Variants in SLC22A4 observed in about 807,000 individuals in gnomAD.
SLC22A4 encodes solute carrier family 22 member 4.
SLC22A4 carries 39 observed loss-of-function variants against 56.6 expected under a neutral mutation model. The observed-to-expected ratio is 0.69, with a 90% CI of 0.53 to 0.90. The LOEUF is 0.90. Ranked by LOEUF, SLC22A4 falls within the 40% of genes least tolerant of loss-of-function variation. SLC22A4 has a pLI of 0.00. For missense variants in SLC22A4, 594 were observed against 696.5 expected (o/e 0.85, Z 1.66); for synonymous variants, 241 against 281.4 (o/e 0.86, Z 1.44).
intron 4 of SLC22A4, among the ~76,000 whole-genome samples, chr5:132,323,107 G>A (rs1288220003): frequency 6.6e-6 from 1 of 152,146 alleles, no homozygotes; most frequent in Non-Finnish European, 1.5e-5. Context: ...CCATTGGTGG[G>A]TCTGGTTCTG....
intron 2 of SLC22A4, among the ~76,000 whole-genome samples, chr5:132,312,544 A>G (rs1750212373): frequency 6.6e-6 from 1 of 151,970 alleles, no homozygotes; most frequent in South Asian, 2.1e-4. Flanking sequence ...GGGTCCTCAT[A>G]CCACAGACTC....
intron 9 of SLC22A4, among the ~76,000 whole-genome samples, chr5:132,342,691 C>G (rs1751257649): frequency 6.6e-6 from 1 of 152,208 alleles, no homozygotes; most frequent in African/African-American, 2.4e-5. Flanking sequence ...TAGAATGACT[C>G]ACAGCACTCA....
chr5:132,322,511 G>C (rs1347660960), intron 4 of SLC22A4, among the ~76,000 whole-genome samples, 156 bp downstream of exon 4: 1 of 152,208 alleles, frequency 6.6e-6, no homozygotes, highest in Non-Finnish European at 1.5e-5. Context: ...CCTCATTGTG[G>C]GTGGGCCTGT....
chr5:132,332,604 C>T (rs1002672478), intron 6 of SLC22A4, among the ~76,000 whole-genome samples: 9 of 152,110 alleles, frequency 5.9e-5, no homozygotes, highest in Non-Finnish European at 8.8e-5. Flanking sequence ...GCTTTTTACA[C>T]GTGCCAATAG....
intron 8 of SLC22A4, 95 bp from the exon 9 acceptor site, chr5:132,340,470 C>G (rs563607666): frequency 8.6e-7 from 1 of 1,166,690 alleles, no homozygotes; most frequent in Non-Finnish European, 1.3e-6. Flanking sequence ...TAAATCCATT[C>G]TCTTATACTG....
intron 8 of SLC22A4, among the ~76,000 whole-genome samples, chr5:132,338,217 G>A (rs943450720): frequency 6.6e-6 from 1 of 152,092 alleles, no homozygotes; most frequent in Non-Finnish European, 1.5e-5. Flanking sequence ...ATATTGGCAG[G>A]TTCCATGATG....
At chr5:132,311,966 G>C (rs1750191962) in intron 1 of SLC22A4, 195 bp from the exon 2 acceptor site, 4 of 648,562 alleles carry the variant, frequency 6.2e-6, no homozygotes, top group Non-Finnish European at 1.1e-5. Context: ...ACCTGCCCCA[G>C]GTTACTCTCC....
chr5:132,308,609 G>A (rs957280666), intron 1 of SLC22A4, among the ~76,000 whole-genome samples: 4 of 151,996 alleles, frequency 2.6e-5, no homozygotes, highest in Non-Finnish European at 2.9e-5. Flanking sequence ...GCCATGGGAA[G>A]CGGCACATCC....
At chr5:132,314,317 T>C (rs778508252) in intron 3 of SLC22A4, among the ~76,000 whole-genome samples, 14 of 152,160 alleles carry the variant, frequency 9.2e-5, no homozygotes, top group African/African-American at 1.4e-4. Flanking sequence ...CCCACACTGA[T>C]AGCCCCATCT....
intron 6 of SLC22A4, among the ~76,000 whole-genome samples, chr5:132,332,714 C>T (rs1158010774): frequency 1.4e-5 from 2 of 143,568 alleles, no homozygotes; most frequent in Non-Finnish European, 3.0e-5. Context: ...AAGAAAATTC[C>T]TACTCTATGA....
At chr5:132,295,745 G>A (rs1337063391) in intron 1 of SLC22A4, 1 of 177,482 alleles carries the variant, frequency 5.6e-6, no homozygotes, top group African/African-American at 2.4e-5. Flanking sequence ...CATCTGGTAA[G>A]GACCTGGGTC....
At chr5:132,322,413 C>T (rs1489737632) in intron 4 of SLC22A4, 58 bp downstream of exon 4, 30 of 1,523,484 alleles carry the variant, frequency 2.0e-5, no homozygotes, top group Non-Finnish European at 2.5e-5. Flanking sequence ...ACCTGGAACA[C>T]ACCTGGAGCC....
intron 9 of SLC22A4, among the ~76,000 whole-genome samples, 153 bp downstream of exon 9, chr5:132,340,853 C>T (rs374356056): frequency 6.6e-6 from 1 of 152,224 alleles, no homozygotes; most frequent in Non-Finnish European, 1.5e-5. Context: ...CAGTGGCTCA[C>T]GCCTGTAATC....
At chr5:132,319,318 A>G (rs1750462666) in intron 3 of SLC22A4, among the ~76,000 whole-genome samples, 1 of 143,136 alleles carries the variant, frequency 7.0e-6, no homozygotes, top group African/African-American at 2.9e-5. Context: ...AAAAAAAAAA[A>G]GAAAAAAAAG....
intron 4 of SLC22A4, among the ~76,000 whole-genome samples, chr5:132,324,235 G>GAGAGAA (rs1007128798): frequency 2.9e-5 from 2 of 69,388 alleles, no homozygotes; most frequent in African/African-American, 1.5e-4. Context: ...GATTCTATCA[G>GAGAGAA]AGAGAAAGAG....
intron 1 of SLC22A4, among the ~76,000 whole-genome samples, chr5:132,308,410 A>C (rs1162539765): frequency 3.3e-5 from 2 of 61,302 alleles, no homozygotes; most frequent in Non-Finnish European, 6.4e-5. Context: ...TTTTTTTTTT[A>C]CCAATTCACT....
intron 3 of SLC22A4, among the ~76,000 whole-genome samples, chr5:132,315,291 T>C (rs1475264618): frequency 6.6e-6 from 1 of 151,890 alleles, no homozygotes; most frequent in Non-Finnish European, 1.5e-5. Flanking sequence ...CAGGCCCATA[T>C]CCCAGGAGGA....
chr5:132,331,623 C>T (rs1750861620), intron 5 of SLC22A4, 133 bp from the exon 6 acceptor site: 4 of 759,116 alleles, frequency 5.3e-6, no homozygotes, highest in Non-Finnish European at 9.8e-6. Flanking sequence ...CTATTGCCTC[C>T]AATCACCAGA....
chr5:132,326,674 C>G (rs2126727742), intron 4 of SLC22A4, among the ~76,000 whole-genome samples: 1 of 152,284 alleles, frequency 6.6e-6, no homozygotes, highest in South Asian at 2.1e-4. Flanking sequence ...TAGACATTAA[C>G]AAAAAGACAA....
Sources: allele counts gnomAD v4.1 joint callset (sites outside exome capture counted in the v4.1 genomes callset), GRCh38; gene constraint gnomAD v4.1.1; transcripts MANE v1.5; gene names NCBI Gene and HGNC (gene_info 2026-07-23, HGNC 2026-07-21).